INPP4A: variants seen among roughly 807,000 people sequenced by gnomAD.
INPP4A encodes the protein inositol polyphosphate-4-phosphatase type I A.
INPP4A carries 33 observed loss-of-function variants against 119.8 expected under a neutral mutation model. The observed-to-expected ratio is 0.28, with a 90% CI of 0.21 to 0.37. The LOEUF is 0.37. INPP4A is among the 10% of genes least tolerant of loss of function. The probability of loss-of-function intolerance (pLI) is 1.00; values close to 1 mark genes in which losing one functional copy is unlikely to be tolerated. For missense variants in INPP4A, 956 were observed against 1,289.9 expected, an observed-to-expected ratio of 0.74 and a Z score of 3.97; for synonymous variants, 496 against 500.7, an observed-to-expected ratio of 0.99 and a Z score of 0.12.
intron 1 of INPP4A, among the ~76,000 whole-genome samples, chr2:98,479,193 A>C (rs150531855): frequency 2.2e-4 from 34 of 152,184 alleles, no homozygotes; most frequent in African/African-American, 8.0e-4. Flanking sequence ...AAACTAGGCT[A>C]CTTATTTTGG....
chr2:98,564,650 T>A lies in INPP4A; in HGVS notation c.2039T>A (p.Leu680His). The change falls in exon 19 of 25, where the codon CTC becomes CAC. Residue 680 changes from leucine to histidine, a missense_variant. By Grantham distance (99) the Leu-to-His change is moderately conservative. This residue lies in a region of INPP4A where 304 missense variants were observed against 492.1 expected (regional missense o/e 0.62). Transcript: ENST00000409851. Reference sequence around the variant, plus strand: ...CCCACGCTCCCACAGCTGACCGCCCTCATCTGCGGCTTCATCATTAAGCTG... The same window carrying A: ...CCCACGCTCCCACAGCTGACCGCCCACATCTGCGGCTTCATCATTAAGCTG... ...DVVFCQTLTA[L>H]ICGFIIKLRN... 6.2e-7 allele frequency: 1 copy of A among 1,613,428 alleles called. No homozygotes were observed. The highest frequency in any genetic ancestry group is 8.5e-7 in the Non-Finnish European group (1 of 1,179,790).
At chr2:98,549,311 A>G (rs1693064542) in intron 13 of INPP4A, among the ~76,000 whole-genome samples, 1 of 152,090 alleles carries the variant, frequency 6.6e-6, no homozygotes, top group Non-Finnish European at 1.5e-5. Context: ...TGCAGCTGGG[A>G]ACTCCTGTCT....
intron 17 of INPP4A, among the ~76,000 whole-genome samples, chr2:98,561,675 T>G (rs1695499413): frequency 6.6e-6 from 1 of 152,260 alleles, no homozygotes; most frequent in African/African-American, 2.4e-5. Context: ...AGAGCTTGTT[T>G]AGTCAAGTAA....
In INPP4A at chr2:98,519,977, G is replaced by A; in HGVS notation, c.-72G>A. 1 of 1,274,716 alleles carries A rather than the reference G, an allele frequency of 7.8e-7. No individual in the cohort carries two copies. The highest frequency in any genetic ancestry group is 1.1e-6 in the Non-Finnish European group (1 of 894,302). The allele number at this position is 1,274,716 out of a possible 1,614,324, so 79.0% of individuals were successfully genotyped here. A position where few individuals can be genotyped will look rare whatever the true frequency, so the allele number is the denominator to read the frequency against. On this transcript the variant is annotated 5_prime_UTR_variant, in exon 3 of 25. The change creates a new upstream start codon in the 5' untranslated region. Transcript: ENST00000409851. ...TGCCACTTTAGTGGACTAGGGCTCGGTGCCAGCACTTCCCGGGTAATCAGG... is the reference window on the plus strand; with the variant it reads ...TGCCACTTTAGTGGACTAGGGCTCGATGCCAGCACTTCCCGGGTAATCAGG...
At chr2:98,519,300 G>A (rs1242030980) in intron 2 of INPP4A, 2 of 152,254 alleles carry the variant, frequency 1.3e-5, no homozygotes, top group Non-Finnish European at 2.9e-5. Flanking sequence ...GAGCTCTGGA[G>A]CTCTGAGCCA....
chr2:98,525,030 A>G (rs1687923976), intron 4 of INPP4A, among the ~76,000 whole-genome samples: 1 of 152,198 alleles, frequency 6.6e-6, no homozygotes, highest in Non-Finnish European at 1.5e-5. Context: ...CACCAAAATC[A>G]GTGTTAGCAG....
At chr2:98,575,413 A>AGCCCATGACCATGTGGTAT (rs1698249389) in intron 23 of INPP4A, among the ~76,000 whole-genome samples, 1 of 152,264 alleles carries the variant, frequency 6.6e-6, no homozygotes, top group Non-Finnish European at 1.5e-5. Context: ...TGAACTCTAC[A>AGCCCATGACCATGTGGTAT]GCCCACAGAA....
At chr2:98,473,601 C>T (rs1469430317) in intron 1 of INPP4A, among the ~76,000 whole-genome samples, 1 of 152,132 alleles carries the variant, frequency 6.6e-6, no homozygotes, top group Non-Finnish European at 1.5e-5. Flanking sequence ...TGATGGGTTA[C>T]AATGTGGTCA....
intron 13 of INPP4A, chr2:98,548,941 C>T: frequency 2.5e-6 from 4 of 1,607,074 alleles, no homozygotes; most frequent in Non-Finnish European, 3.4e-6. Flanking sequence ...CATTTTGGTT[C>T]TTTTCTTTAG....
intron 4 of INPP4A, among the ~76,000 whole-genome samples, chr2:98,522,908 A>G (rs934256223): frequency 3.3e-5 from 5 of 152,236 alleles, no homozygotes; most frequent in African/African-American, 7.2e-5. Flanking sequence ...CAACCAGACT[A>G]TCAGTCAAAT....
At chr2:98,451,078 T>A (rs1695140802) in intron 1 of INPP4A, among the ~76,000 whole-genome samples, 1 of 152,180 alleles carries the variant, frequency 6.6e-6, no homozygotes, top group African/African-American at 2.4e-5. Context: ...GCCTTAGCTG[T>A]CCCTTTCACC....
At chr2:98,542,753 A>G (rs1458371882) in intron 10 of INPP4A, among the ~76,000 whole-genome samples, 1 of 148,098 alleles carries the variant, frequency 6.8e-6, no homozygotes, top group Non-Finnish European at 1.5e-5. Flanking sequence ...GTTCTTATAC[A>G]GGTTTTTTTT....
intron 1 of INPP4A, among the ~76,000 whole-genome samples, chr2:98,473,188 T>G (rs1485611542): frequency 7.0e-6 from 1 of 143,446 alleles, no homozygotes; most frequent in East Asian, 2.1e-4. Context: ...GAGGGCAGTG[T>G]GGGTGGAGTG....
In INPP4A at chr2:98,566,009, C is replaced by T. The variant is rs1324273746; in HGVS notation, c.2280-20C>T. 5 of 1,600,250 alleles carry T rather than the reference C, an allele frequency of 3.1e-6. No individual in the cohort carries two copies. Among genetic ancestry groups the T allele is most frequent in the Admixed American group, 1.7e-5 (1 of 58,708 alleles). On this transcript the variant is annotated intron_variant, in intron 20 of 24. Coordinates refer to ENST00000409851, the MANE Select transcript of INPP4A (RefSeq NM_001134225.2). This position sits in a 1 kb window ranked among gnomAD's most constrained non-coding sequence, Gnocchi z 4.2. ...GCCCTCTGGCCTCACACTGCTCTCCCTCTCTCCACCTTTCTCCAGCGACGG... is the reference window on the plus strand; with the variant it reads ...GCCCTCTGGCCTCACACTGCTCTCCTTCTCTCCACCTTTCTCCAGCGACGG...
intron 1 of INPP4A, among the ~76,000 whole-genome samples, chr2:98,463,288 A>G (rs1673992715): frequency 2.0e-5 from 3 of 152,218 alleles, no homozygotes; most frequent in Admixed American, 2.0e-4. Flanking sequence ...GCAAGGGCAG[A>G]TGGTTCTGCA....
intron 1 of INPP4A, among the ~76,000 whole-genome samples, chr2:98,464,040 GT>G (rs986963708): frequency 1.3e-5 from 2 of 152,204 alleles, no homozygotes; most frequent in Non-Finnish European, 1.5e-5. Context: ...GCAGATGGCT[GT>G]TTTTAGGAAG....
intron 4 of INPP4A, among the ~76,000 whole-genome samples, chr2:98,529,763 AT>A (rs1688858434): frequency 6.6e-6 from 1 of 152,132 alleles, no homozygotes; most frequent in Admixed American, 6.5e-5. Context: ...AAGACAAAAA[AT>A]ACAGAATTGT....
intron 16 of INPP4A, among the ~76,000 whole-genome samples, chr2:98,556,275 G>A (rs1694473962): frequency 6.6e-6 from 1 of 152,228 alleles, no homozygotes; most frequent in Admixed American, 6.5e-5. Flanking sequence ...AAAGCTGGTT[G>A]GCATTGGCTG....
intron 1 of INPP4A, among the ~76,000 whole-genome samples, chr2:98,512,508 A>G (rs1685309081): frequency 1.3e-5 from 2 of 152,204 alleles, no homozygotes; most frequent in Admixed American, 6.5e-5. Flanking sequence ...GTCCTGGAGC[A>G]TGGTGCCCGC....
Sources: gnomAD v4.1 joint callset for allele counts (sites outside exome capture counted in the v4.1 genomes callset) on GRCh38, gnomAD v4.1.1 for gene constraint, gnomAD v4.1.1 regional missense constraint, Gnocchi (gnomAD v3.1) non-coding constraint, MANE v1.5 for transcripts, NCBI Gene and HGNC (gene_info 2026-07-23, HGNC 2026-07-21) for gene names.